The following NAV2 variants were observed in gnomAD, a reference collection of about 807,000 sequenced individuals.
NAV2 encodes helicase, APC down-regulated 1.
A neutral mutation model predicts 223.2 loss-of-function variants in NAV2; 54 were observed. The observed-to-expected ratio is 0.24, with a 90% CI of 0.19 to 0.30. NAV2 has a LOEUF of 0.30. Among genes scored for constraint, NAV2 ranks in the 10% least tolerant of loss-of-function variants. The pLI is 1.00. For missense variants in NAV2, 2,806 were observed against 3,147.5 expected, an observed-to-expected ratio of 0.89 and a Z score of 2.60; for synonymous variants, 1,279 against 1,239.3, an observed-to-expected ratio of 1.03 and a Z score of -0.67.
chr11:19,632,198 A>C (rs563977324), intron 1 of NAV2, among the ~76,000 whole-genome samples: 1 of 152,166 alleles, frequency 6.6e-6, no homozygotes, highest in African/African-American at 2.4e-5. Flanking sequence ...ATTACCATCT[A>C]TTTATAGGGA....
rs1056110859 is a variant in NAV2 at position 19,700,004 on chromosome 11, T to C, written c.76-132480T>C. 2.6e-5 allele frequency among the ~76,000 whole-genome samples: 4 copies of C among 152,306 alleles called. 1 individual carries two copies. The South Asian group carries it at 8.3e-4, about 32-fold the overall frequency. ...GCTCATAGCCTCAGATTCTGGGCCT[T>C]CACTTAGTGTCGTAGCAATGGAAAT... On this transcript the variant is annotated intron_variant, in intron 1 of 37. Coordinates refer to the NAV2 transcript ENST00000360655.
chr11:19,766,576 C>A (rs1243686714), intron 1 of NAV2, among the ~76,000 whole-genome samples: 1 of 152,182 alleles, frequency 6.6e-6, no homozygotes, highest in Non-Finnish European at 1.5e-5. Flanking sequence ...AGCCAACCTG[C>A]AAACCAAGTT....
chr11:19,946,797 C>CT (rs2046974931), intron 9 of NAV2, among the ~76,000 whole-genome samples: 2 of 152,196 alleles, frequency 1.3e-5, no homozygotes, highest in Admixed American at 1.3e-4. Flanking sequence ...TTTTCTATAA[C>CT]TGTCTGGTGC....
chr11:19,874,912 T>A (rs61877292), intron 4 of NAV2, among the ~76,000 whole-genome samples: 3,947 of 152,326 alleles, frequency 0.026, 71 homozygotes, highest in Middle Eastern at 0.044. Flanking sequence ...ATCCCAGCAC[T>A]TTGGGAGGCC....
chr11:19,692,522 A>T (rs545008659), intron 1 of NAV2, among the ~76,000 whole-genome samples: 1 of 152,382 alleles, frequency 6.6e-6, no homozygotes, highest in South Asian at 2.1e-4. Context: ...TTTCTGGTAA[A>T]GCAAAAATCA....
intron 5 of NAV2, chr11:19,884,243 T>C (rs749697738): frequency 7.4e-7 from 1 of 1,358,898 alleles, no homozygotes; most frequent in Admixed American, 1.7e-5. Context: ...GTCTAATGTA[T>C]CTTCTCTCTC....
At chr11:19,716,302 G>A (rs1437804071) in intron 1 of NAV2, among the ~76,000 whole-genome samples, 2 of 152,070 alleles carry the variant, frequency 1.3e-5, no homozygotes, top group African/African-American at 2.4e-5. Context: ...GGTGTCTTGC[G>A]TCTGTCATAT....
chr11:19,610,462 A>G (rs1431053168), intron 1 of NAV2, among the ~76,000 whole-genome samples: 1 of 152,236 alleles, frequency 6.6e-6, no homozygotes, highest in Non-Finnish European at 1.5e-5. Context: ...AGCTTTCTAT[A>G]CAATGAATTC....
intron 1 of NAV2, among the ~76,000 whole-genome samples, chr11:19,366,913 A>G (rs1377064718): frequency 6.6e-6 from 1 of 152,206 alleles, no homozygotes; most frequent in African/African-American, 2.4e-5. Context: ...AGGAGATGCT[A>G]TGATATTCTA....
intron 7 of NAV2, among the ~76,000 whole-genome samples, chr11:19,937,912 G>A (rs1364960385): frequency 6.6e-6 from 1 of 152,190 alleles, no homozygotes; most frequent in Non-Finnish European, 1.5e-5. Flanking sequence ...AATAAGGAGA[G>A]TGCTGTAGGA....
Position 19,946,528 on chromosome 11 carries a change from A to G in NAV2, c.2255+19A>G, listed in dbSNP as rs1052788399. Reference sequence around the variant, plus strand: ...CACACAGGTATCTGCAGTGTGAATTACTTTACTGAACTACCTGGTATCCTA... The same window carrying G: ...CACACAGGTATCTGCAGTGTGAATTGCTTTACTGAACTACCTGGTATCCTA... On this transcript the variant is annotated intron_variant, in intron 9 of 37. Transcript: ENST00000349880. The G allele has an allele frequency of 1.2e-5, 19 of 1,585,106 alleles. No homozygotes were observed. The highest frequency in any genetic ancestry group is 1.6e-5 in the Non-Finnish European group (19 of 1,157,944).
intron 1 of NAV2, among the ~76,000 whole-genome samples, chr11:19,614,257 G>A (rs1044427763): frequency 2.0e-5 from 3 of 152,114 alleles, no homozygotes; most frequent in Non-Finnish European, 4.4e-5. Flanking sequence ...GGGTCCTGCT[G>A]GCTGTGTTCT....
chr11:19,479,580 G>A (rs1049676942), intron 1 of NAV2, among the ~76,000 whole-genome samples: 2 of 152,124 alleles, frequency 1.3e-5, no homozygotes, highest in Non-Finnish European at 2.9e-5. Flanking sequence ...ATCACTAAAT[G>A]GCAGAACTGG....
chr11:20,048,690 TG>T, intron 14 of NAV2, 37 bp from the exon 15 acceptor site: 1 of 1,570,196 alleles, frequency 6.4e-7, no homozygotes, highest in African/African-American at 1.3e-5. Flanking sequence ...CCCTTGGCAC[TG>T]GGTGTTCAAC....
At chr11:19,758,546 C>A (rs745727003) in intron 1 of NAV2, among the ~76,000 whole-genome samples, 9 of 152,098 alleles carry the variant, frequency 5.9e-5, no homozygotes, top group Non-Finnish European at 1.2e-4. Context: ...TCCATCCCCA[C>A]CAATGTATGG....
chr11:19,713,818 G>A lies in NAV2; in HGVS notation c.123G>A (p.Leu41=), dbSNP rs1590139198. The A allele has an allele frequency of 6.2e-7, 1 of 1,613,126 alleles. No individual in the cohort carries two copies. Among genetic ancestry groups the A allele is most frequent in the East Asian group, 2.2e-5 (1 of 44,844 alleles). Residue 41 remains leucine, a synonymous_variant, in exon 1 of 38, where the codon TTG becomes TTA. Transcript: ENST00000349880. This position sits in a 1 kb window ranked among gnomAD's most constrained non-coding sequence, Gnocchi z 7.2. ...RAGPQPCYLK[L]GSKVEVSKTT... is the part of the protein sequence containing the mutation. ...GCCCCCAGCCCTGCTACCTGAAGTT[G>A]GGAAGCAAGGTGGAGGTGAGCAAGA...
chr11:19,960,004 G>A (rs1408086995), intron 10 of NAV2, among the ~76,000 whole-genome samples: 1 of 152,118 alleles, frequency 6.6e-6, no homozygotes, highest in Admixed American at 6.5e-5. Context: ...GATGTTTAAG[G>A]GAAATTCCAC....
chr11:19,640,084 C>A (rs201459417), intron 1 of NAV2, among the ~76,000 whole-genome samples: 1 of 152,214 alleles, frequency 6.6e-6, no homozygotes, highest in African/African-American at 2.4e-5. Context: ...TAATTGAATT[C>A]AAAAACAGCC....
chr11:19,380,240 A>G (rs1848791300), intron 1 of NAV2, among the ~76,000 whole-genome samples: 1 of 152,226 alleles, frequency 6.6e-6, no homozygotes, highest in Non-Finnish European at 1.5e-5. Flanking sequence ...CAACACAGTG[A>G]TGTTGATACC....
Sources: allele counts gnomAD v4.1 joint callset (sites outside exome capture counted in the v4.1 genomes callset), GRCh38; gene constraint gnomAD v4.1.1; non-coding constraint Gnocchi (gnomAD v3.1); transcripts MANE v1.5; gene names NCBI Gene and HGNC (gene_info 2026-07-23, HGNC 2026-07-21).